COL19A1: variants seen among roughly 807,000 people sequenced by gnomAD.
COL19A1 encodes the protein collagen alpha-1(XIX) chain.
In COL19A1, 159 loss-of-function variants were observed where a neutral mutation model predicts 190.2. That is an observed-to-expected ratio of 0.84 (90% CI 0.73 to 0.95). The LOEUF (loss-of-function observed/expected upper bound fraction) is 0.95. Ranked by LOEUF, COL19A1 falls within the 40% of genes least tolerant of loss-of-function variation. COL19A1 has a pLI of 0.00. For missense variants in COL19A1, 1,418 were observed against 1,431.9 expected, an observed-to-expected ratio of 0.99 and a Z score of 0.16; for synonymous variants, 509 against 458.9, an observed-to-expected ratio of 1.11 and a Z score of -1.39.
At chr6:70,151,827 C>T (rs368480422) in intron 31 of COL19A1, among the ~76,000 whole-genome samples, 1 of 152,070 alleles carries the variant, frequency 6.6e-6, no homozygotes, top group Admixed American at 6.6e-5. Context: ...TAATCTTTCT[C>T]GCTATATCTG....
chr6:69,974,875 C>A (rs765894352), intron 11 of COL19A1, among the ~76,000 whole-genome samples: 4 of 134,102 alleles, frequency 3.0e-5, no homozygotes, highest in Admixed American at 1.7e-4. Flanking sequence ...TGCAGTGGAG[C>A]GATCTAGGCT....
intron 44 of COL19A1, among the ~76,000 whole-genome samples, chr6:70,182,540 G>A (rs1479127107): frequency 1.3e-5 from 2 of 152,186 alleles, no homozygotes; most frequent in African/African-American, 2.4e-5. Context: ...GATAGGAAGG[G>A]AAGAGAGTGC....
In COL19A1 at chr6:70,034,302, T is replaced by C. The variant is rs1779228272; in HGVS notation, c.1134+4T>C. 1.2e-6 allele frequency: 2 copies of C among 1,611,818 alleles called. No homozygotes were observed. Among genetic ancestry groups the C allele is most frequent in the African/African-American group, 1.3e-5 (1 of 74,874 alleles). On this transcript the variant is annotated splice_donor_region_variant and intron_variant, in intron 13 of 50. Transcript: ENST00000620364. ...ACCTGGCCCAAAAGGAGAAAAGGTA[T>C]TGTGTTTACCCAGCCAAGCCCAACC...
intron 12 of COL19A1, among the ~76,000 whole-genome samples, chr6:70,025,116 C>T (rs1381722339): frequency 6.6e-6 from 1 of 151,636 alleles, no homozygotes; most frequent in South Asian, 2.1e-4. Flanking sequence ...CTGCAACCTC[C>T]GCCTCCTGGG....
chr6:70,156,507 G>C, intron 33 of COL19A1, 138 bp downstream of exon 33: 1 of 1,012,330 alleles, frequency 9.9e-7, no homozygotes, highest in South Asian at 1.6e-5. Context: ...GAGAGAGAGA[G>C]AGAGAGAAAG....
intron 15 of COL19A1, among the ~76,000 whole-genome samples, chr6:70,101,371 A>G (rs1783620643): frequency 1.3e-5 from 2 of 152,168 alleles, no homozygotes; most frequent in East Asian, 1.9e-4. Flanking sequence ...ATAATAAATA[A>G]TGAAATGCTT....
chr6:70,164,686 C>T (rs1583064406), intron 36 of COL19A1, among the ~76,000 whole-genome samples: 2 of 150,816 alleles, frequency 1.3e-5, no homozygotes, highest in African/African-American at 2.4e-5. Flanking sequence ...TTAATTGTGC[C>T]GGGGGAAAAA....
chr6:70,190,571 G>A (rs372134611), intron 48 of COL19A1, among the ~76,000 whole-genome samples, 190 bp downstream of exon 48: 2 of 152,076 alleles, frequency 1.3e-5, no homozygotes, highest in Non-Finnish European at 2.9e-5. Flanking sequence ...TTGCCTCCCT[G>A]GAACTTCCTT....
intron 7 of COL19A1, among the ~76,000 whole-genome samples, chr6:69,933,875 T>A (rs1356842768): frequency 2.6e-5 from 4 of 151,810 alleles, no homozygotes; most frequent in African/African-American, 9.7e-5. Context: ...AAAAGATAAA[T>A]GGGACAGAAA....
intron 11 of COL19A1, among the ~76,000 whole-genome samples, chr6:70,017,911 G>A (rs565367712): frequency 1.3e-5 from 2 of 152,260 alleles, no homozygotes; most frequent in Admixed American, 1.3e-4. Flanking sequence ...GTGAACTGCA[G>A]AGTGAGTGGG....
At chr6:70,160,886 TG>T (rs1787753929) in intron 34 of COL19A1, among the ~76,000 whole-genome samples, 1 of 152,190 alleles carries the variant, frequency 6.6e-6, no homozygotes, top group Admixed American at 6.5e-5. Context: ...TATTTTTACA[TG>T]TTTTCTAACT....
intron 14 of COL19A1, among the ~76,000 whole-genome samples, chr6:70,038,982 G>A (rs913420860): frequency 1.3e-5 from 2 of 152,030 alleles, no homozygotes; most frequent in East Asian, 1.9e-4. Flanking sequence ...GCTCGAACCC[G>A]GGAGGCGGTT....
intron 1 of COL19A1, among the ~76,000 whole-genome samples, chr6:69,879,119 C>T (rs981631080): frequency 3.3e-5 from 5 of 151,942 alleles, no homozygotes; most frequent in African/African-American, 7.3e-5. Flanking sequence ...CTGCAGATGG[C>T]GGGGATGGTT....
At chr6:70,058,265 AATG>A (rs376317909) in intron 14 of COL19A1, among the ~76,000 whole-genome samples, 29 of 152,158 alleles carry the variant, frequency 1.9e-4, no homozygotes, top group East Asian at 1.7e-3. Flanking sequence ...CCATGTCTGA[AATG>A]ATTCCAGGTC....
intron 14 of COL19A1, among the ~76,000 whole-genome samples, chr6:70,055,841 A>C (rs1290276735): frequency 6.6e-6 from 1 of 150,536 alleles, no homozygotes; most frequent in Non-Finnish European, 1.5e-5. Context: ...TGTCATGTGC[A>C]GAGCTAAGTG....
intron 15 of COL19A1, among the ~76,000 whole-genome samples, chr6:70,070,205 C>G (rs1781464540): frequency 6.6e-6 from 1 of 151,942 alleles, no homozygotes; most frequent in Non-Finnish European, 1.5e-5. Flanking sequence ...AATAATAATG[C>G]TTCAAATTAA....
intron 18 of COL19A1, chr6:70,131,159 T>A (rs1785496588): frequency 3.1e-6 from 1 of 321,238 alleles, no homozygotes; most frequent in South Asian, 2.6e-5. Flanking sequence ...TCCATGTGAA[T>A]GTGCCATTGT....
At chr6:70,084,745 A>T (rs80161137) in intron 15 of COL19A1, among the ~76,000 whole-genome samples, 8,215 of 152,192 alleles carry the variant, frequency 0.054, 723 homozygotes, top group African/African-American at 0.19. Flanking sequence ...AAGCCAACCA[A>T]CCCACAGACC....
At chr6:70,018,843 C>G (rs532400158) in intron 11 of COL19A1, among the ~76,000 whole-genome samples, 1 of 152,130 alleles carries the variant, frequency 6.6e-6, no homozygotes, top group South Asian at 2.1e-4. Flanking sequence ...AAAGCTGACA[C>G]ATTAATCCAC....
Sources: gnomAD v4.1 joint callset for allele counts (sites outside exome capture counted in the v4.1 genomes callset) on GRCh38, gnomAD v4.1.1 for gene constraint, MANE v1.5 for transcripts, NCBI Gene and HGNC (gene_info 2026-07-23, HGNC 2026-07-21) for gene names.